Variants in LIMD2 observed in about 807,000 individuals in gnomAD.
LIMD2 encodes LIM domain containing 2, also known as LIM domain-containing protein 2.
In LIMD2, 11 loss-of-function variants were observed where a neutral mutation model predicts 16.0. The observed-to-expected ratio is 0.69, with a 90% CI of 0.43 to 1.14. The LOEUF (loss-of-function observed/expected upper bound fraction) is 1.14. LIMD2 is among the 50% of genes most tolerant of loss of function. The probability of loss-of-function intolerance (pLI) is 0.00; values close to 1 mark genes in which losing one functional copy is unlikely to be tolerated. For missense variants in LIMD2, 168 were observed against 165.8 expected (o/e 1.01, Z -0.07); for synonymous variants, 60 against 67.1 (o/e 0.89, Z 0.52).
rs1037448585 is a variant in LIMD2 at position 63,699,880 on chromosome 17, G to A, written c.-51+152C>T. 89 of 984,354 alleles carry A rather than the reference G, an allele frequency of 9.0e-5. No homozygotes were observed. In the African/African-American group the frequency reaches 1.4e-3, roughly 16 times the overall value. The allele number at this position is 984,354 out of a possible 1,614,324, so 61.0% of individuals were successfully genotyped here. On this transcript the variant is annotated intron_variant, in intron 1 of 4. Transcript: ENST00000259006. Reference sequence around the variant, plus strand: ...GGGTCTCGGCTCCGCCCAGCCGGGGGCCGGCCCTGAAACGAGGACTCGAGC... The same window carrying A: ...GGGTCTCGGCTCCGCCCAGCCGGGGACCGGCCCTGAAACGAGGACTCGAGC...
At chr17:63,699,551 T>G in intron 1 of LIMD2, 2 of 482,560 alleles carry the variant, frequency 4.1e-6, no homozygotes, top group Non-Finnish European at 3.5e-6. Context: ...AGTGGCACCG[T>G]CCCTCGGAAG....
chr17:63,699,259 G>A lies in LIMD2; in HGVS notation c.40C>T (p.His14Tyr). 1 of 1,611,740 alleles carries A rather than the reference G, an allele frequency of 6.2e-7. No homozygotes were observed. The highest frequency in any genetic ancestry group is 8.5e-7 in the Non-Finnish European group (1 of 1,179,530). Residue 14 changes from histidine (H) to tyrosine (Y), a missense_variant and splice_region_variant, in exon 2 of 5, where the codon CAT (histidine) becomes TAT (tyrosine). Coordinates refer to ENST00000259006, the MANE Select transcript of LIMD2 (RefSeq NM_030576.4). ...CTCCCACCCAGCCGGGCACTTACAT[G>A]AGAGGGGGTGGCCTGGGCGGCTCCT... is the stretch of plus-strand genomic sequence containing the variant. The part of the protein sequence containing the change: ...AAGAAQATPS[H>Y]DAKGGGSSTV...
intron 1 of LIMD2, 101 bp from the exon 2 acceptor site, chr17:63,699,449 T>C (rs1200511161): frequency 1.8e-6 from 2 of 1,126,758 alleles, no homozygotes; most frequent in Non-Finnish European, 2.5e-6. Context: ...CGGTTGGGAC[T>C]TTCCCTAAGT....
chr17:63,700,346 T>A, upstream of LIMD2: 1 of 215,892 alleles, frequency 4.6e-6, no homozygotes, highest in Non-Finnish European at 7.9e-6. The surrounding 1 kb of genome is among the most constrained non-coding windows in gnomAD (Gnocchi z 7.1). Context: ...CCCGCGGGCC[T>A]CGCGCTCGCA....
At position 63,699,401 on chromosome 17, in the gene LIMD2, G is replaced by A. The variant is rs974240143; in HGVS notation, c.-50-53C>T. 2.7e-6 allele frequency: 4 copies of A among 1,476,862 alleles called. No individual in the cohort carries two copies. The African/African-American group carries it at 5.6e-5, about 21-fold the overall frequency. 91.5% of individuals were successfully genotyped at this position (1,476,862 alleles called of 1,614,324 possible). ...CCCGCCAGCCCGGCCCCAGCCTGCA[G>A]GGTGGGGGGTGTTGACAGGCAGGGG... On this transcript the variant is annotated intron_variant, in intron 1 of 4. Transcript: ENST00000259006.
At position 63,698,666 on chromosome 17, in the gene LIMD2, G is replaced by T; in HGVS notation, c.270C>A (p.Pro90=). 6.2e-7 allele frequency: 1 copy of T among 1,613,794 alleles called. No homozygotes were observed. Among genetic ancestry groups the T allele is most frequent in the Non-Finnish European group, 8.5e-7 (1 of 1,180,008 alleles). The change falls in exon 5 of 5, where the codon CCC becomes CCA. Residue 90 remains proline, a synonymous_variant. Coordinates refer to ENST00000259006, the MANE Select transcript of LIMD2 (RefSeq NM_030576.4). ...AALHGEFYCK[P]HFQQLFKSKG... ...TGCTCTTAAACAGCTGCTGGAAGTGGGGTTTGCAGTAGAACTCCCCGTGCA... is the reference window on the plus strand; with the variant it reads ...TGCTCTTAAACAGCTGCTGGAAGTGTGGTTTGCAGTAGAACTCCCCGTGCA...
upstream of LIMD2, chr17:63,700,268 T>G: frequency 1.8e-6 from 1 of 556,952 alleles, no homozygotes; most frequent in Non-Finnish European, 2.3e-6. This position sits in a 1 kb window ranked among gnomAD's most constrained non-coding sequence, Gnocchi z 7.1. Context: ...CGCTTTGTCT[T>G]CCCCTCGCCG....
chr17:63,699,538 C>A, intron 1 of LIMD2, 190 bp from the exon 2 acceptor site: 1 of 534,382 alleles, frequency 1.9e-6, no homozygotes, highest in Non-Finnish European at 3.2e-6. Flanking sequence ...GGCCGGGGTC[C>A]CGAGTGGCAC....
Position 63,696,830 on chromosome 17 carries a change from G to A in LIMD2, c.*1722C>T, listed in dbSNP as rs1173059013. On this transcript the variant is annotated 3_prime_UTR_variant, in exon 5 of 5. Coordinates refer to ENST00000259006, the MANE Select transcript of LIMD2 (RefSeq NM_030576.4). ...GCTCTGAGGCGCTCACTTCACACTT[G>A]GGAGGATCCAGGCCGGGGCACCATC... 1.4e-5 allele frequency: 2 copies of A among 141,174 alleles called. No individual in the cohort carries two copies. The highest frequency in any genetic ancestry group is 3.1e-5 in the Non-Finnish European group (2 of 63,936). The allele number at this position is 141,174 out of a possible 1,614,324, so 8.7% of individuals were successfully genotyped here.
At chr17:63,699,527 G>A (rs919675298) in intron 1 of LIMD2, 179 bp from the exon 2 acceptor site, 5 of 578,582 alleles carry the variant, frequency 8.6e-6, no homozygotes, top group African/African-American at 2.0e-5. Flanking sequence ...TGCTCCCCAG[G>A]GGCCGGGGTC....
upstream of LIMD2, chr17:63,700,329 G>T: frequency 3.9e-6 from 1 of 255,852 alleles, no homozygotes; most frequent in Non-Finnish European, 6.1e-6. The surrounding 1 kb of genome is among the most constrained non-coding windows in gnomAD (Gnocchi z 7.1). Context: ...TCCCGGCTCC[G>T]CAGCGCCCCG....
At chr17:63,699,455 T>TAA in intron 1 of LIMD2, 107 bp from the exon 2 acceptor site, 1 of 1,076,500 alleles carries the variant, frequency 9.3e-7, no homozygotes, top group Non-Finnish European at 1.3e-6. Flanking sequence ...GGACTTTCCC[T>TAA]AAGTCATTTC....
chr17:63,699,911 C>A (rs1277745570), intron 1 of LIMD2, 121 bp downstream of exon 1: 1 of 984,236 alleles, frequency 1.0e-6, no homozygotes, highest in South Asian at 4.7e-5. Context: ...CGAGCCTGTG[C>A]GCCCCGGGCG....
At chr17:63,699,003 C>T (rs763036581) in intron 3 of LIMD2, 25 bp downstream of exon 3, 94 of 1,609,812 alleles carry the variant, frequency 5.8e-5, no homozygotes, top group Non-Finnish European at 7.6e-5. Context: ...CCCCTCCTCC[C>T]GCACACCCGG....
chr17:63,698,778 G>C, intron 4 of LIMD2, 21 bp downstream of exon 4: 1 of 1,612,504 alleles, frequency 6.2e-7, no homozygotes. Context: ...CGAGGCGGGG[G>C]CGGGCAGGGC....
chr17:63,699,256 C>T lies in LIMD2; in HGVS notation c.42+1G>A. The T allele has an allele frequency of 6.2e-7, 1 of 1,611,766 alleles. No individual in the cohort carries two copies. Among genetic ancestry groups the T allele is most frequent in the Non-Finnish European group, 8.5e-7 (1 of 1,179,544 alleles). Reference sequence around the variant, plus strand: ...GCCCTCCCACCCAGCCGGGCACTTACATGAGAGGGGGTGGCCTGGGCGGCT... The same window carrying T: ...GCCCTCCCACCCAGCCGGGCACTTATATGAGAGGGGGTGGCCTGGGCGGCT... On this transcript the variant is annotated splice_donor_variant, in intron 2 of 4. Transcript: ENST00000259006. LOFTEE classifies it high-confidence loss of function.
intron 1 of LIMD2, chr17:63,699,799 C>T (rs1209879556): frequency 3.3e-6 from 3 of 912,494 alleles, no homozygotes; most frequent in Non-Finnish European, 3.9e-6. Context: ...CCTCGGCCCC[C>T]GACCTGGCCC....
At chr17:63,700,590 G>C (rs1224067589), upstream of LIMD2, 2 of 151,892 alleles carry the variant, frequency 1.3e-5, no homozygotes, top group Non-Finnish European at 2.9e-5. The surrounding 1 kb of genome is among the most constrained non-coding windows in gnomAD (Gnocchi z 7.1). Flanking sequence ...GGCCTCGCGC[G>C]TAGGCGCCGG....
In LIMD2 at chr17:63,698,350, C is replaced by G; in HGVS notation, c.*202G>C. 1.5e-6 allele frequency: 1 copy of G among 659,178 alleles called. No homozygotes were observed. Among genetic ancestry groups the G allele is most frequent in the Non-Finnish European group, 2.5e-6 (1 of 392,634 alleles). The allele number at this position is 659,178 out of a possible 1,614,324, so 40.8% of individuals were successfully genotyped here. ...AGCAGGGTGGTGGGCAGACCCCAATCCTGGTTTCCAAACCCTCACCGGCTG... is the reference window on the plus strand; with the variant it reads ...AGCAGGGTGGTGGGCAGACCCCAATGCTGGTTTCCAAACCCTCACCGGCTG... On this transcript the variant is annotated 3_prime_UTR_variant, in exon 5 of 5. Coordinates refer to ENST00000259006, the MANE Select transcript of LIMD2 (RefSeq NM_030576.4).
Sources: allele counts gnomAD v4.1 joint callset, GRCh38; gene constraint gnomAD v4.1.1; non-coding constraint Gnocchi (gnomAD v3.1); transcripts MANE v1.5; gene names NCBI Gene and HGNC (gene_info 2026-07-23, HGNC 2026-07-21).